Variants in ARHGEF3 observed in about 807,000 individuals in gnomAD.
ARHGEF3 encodes 59.8 kDA protein.
ARHGEF3 carries 28 observed loss-of-function variants against 63.2 expected under a neutral mutation model. The ratio of observed to expected loss-of-function variants is 0.44; its 90% confidence interval spans 0.33 to 0.61. The LOEUF (loss-of-function observed/expected upper bound fraction) is 0.61, where lower values mean the gene tolerates loss of function less well. ARHGEF3 is among the 20% of genes least tolerant of loss of function. ARHGEF3 has a pLI of 0.03. For synonymous variants in ARHGEF3, 266 were observed against 254.2 expected (o/e 1.05, Z -0.44); for missense variants, 533 against 659.3 (o/e 0.81, Z 2.10).
chr3:56,808,632 G>A lies in ARHGEF3; in HGVS notation c.193-34816C>T, dbSNP rs1578570735. ...AAAATAAAAATAAAAAATTAGCTAT[G>A]AAATTAGCAAATTTTTTTGTTTTTT... On this transcript the variant is annotated intron_variant, in intron 4 of 12. Coordinates refer to the ARHGEF3 transcript ENST00000338458. 6.3e-5 allele frequency among the ~76,000 whole-genome samples: 9 copies of A among 143,270 alleles called. No homozygotes were observed. The South Asian group carries it at 1.9e-3, about 30-fold the overall frequency. The allele number at this position is 143,270 out of a possible 152,430, so 94.0% of individuals were successfully genotyped here.
chr3:56,832,641 T>C (rs1238840965), intron 4 of ARHGEF3, among the ~76,000 whole-genome samples: 1 of 152,214 alleles, frequency 6.6e-6, no homozygotes, highest in East Asian at 1.9e-4. Flanking sequence ...AAATTTACCA[T>C]TTTAACTATT....
At chr3:57,002,468 A>ATATATATATGT (rs1366417106) in intron 2 of ARHGEF3, among the ~76,000 whole-genome samples, 1 of 18,680 alleles carries the variant, frequency 5.4e-5, no homozygotes, top group Admixed American at 6.9e-4. Flanking sequence ...AGCACTATAT[A>ATATATATATGT]TATATATATG....
chr3:56,775,119 G>A, intron 1 of ARHGEF3: 1 of 1,549,282 alleles, frequency 6.5e-7, no homozygotes, highest in Non-Finnish European at 8.7e-7. Flanking sequence ...ATCATTTCCA[G>A]AGGGAGCCTC....
chr3:56,926,849 GT>G (rs1578862381), intron 3 of ARHGEF3, among the ~76,000 whole-genome samples: 1 of 147,232 alleles, frequency 6.8e-6, no homozygotes, highest in Admixed American at 6.8e-5. Context: ...AGCCTCCTGG[GT>G]TGGATGAATA....
At chr3:57,041,338 G>T (rs1017007421) in intron 1 of ARHGEF3, among the ~76,000 whole-genome samples, 1 of 152,094 alleles carries the variant, frequency 6.6e-6, no homozygotes, top group Non-Finnish European at 1.5e-5. Context: ...TGAATAGTAG[G>T]AAACTGAGGC....
At chr3:56,917,001 G>C (rs1196030490) in intron 3 of ARHGEF3, among the ~76,000 whole-genome samples, 1 of 152,136 alleles carries the variant, frequency 6.6e-6, no homozygotes, top group African/African-American at 2.4e-5. Context: ...TTTTGTCATG[G>C]ATAACAAGAG....
At chr3:56,773,643 G>T in intron 2 of ARHGEF3, 66 bp downstream of exon 2, 1 of 1,350,116 alleles carries the variant, frequency 7.4e-7, no homozygotes, top group Non-Finnish European at 1.0e-6. Context: ...TTCTAGGTAG[G>T]ATGGGGATGT....
At chr3:56,901,327 GAAGA>G (rs1560034620) in intron 3 of ARHGEF3, among the ~76,000 whole-genome samples, 1 of 151,870 alleles carries the variant, frequency 6.6e-6, no homozygotes, top group Non-Finnish European at 1.5e-5. Flanking sequence ...CAAGAGATTA[GAAGA>G]AAGGGCAAAA....
chr3:56,967,011 G>A (rs1700526749), intron 2 of ARHGEF3, among the ~76,000 whole-genome samples: 1 of 150,306 alleles, frequency 6.7e-6, no homozygotes, highest in African/African-American at 2.4e-5. Context: ...TTACAGGCAT[G>A]CGCCACCATG....
chr3:56,992,024 C>CTCTGTGTGTGTGTG (rs1239113895), intron 2 of ARHGEF3, among the ~76,000 whole-genome samples: 1 of 131,634 alleles, frequency 7.6e-6, no homozygotes, highest in African/African-American at 2.9e-5. Context: ...CCTCCTCTCT[C>CTCTGTGTGTGTGTG]TGTGTGTGTG....
chr3:56,972,834 C>T (rs1357951716), intron 2 of ARHGEF3, among the ~76,000 whole-genome samples: 3 of 152,036 alleles, frequency 2.0e-5, no homozygotes, highest in African/African-American at 7.3e-5. Flanking sequence ...AGAAAACAAA[C>T]CTGACCTAAG....
At chr3:56,985,637 T>C (rs1378990190) in intron 2 of ARHGEF3, among the ~76,000 whole-genome samples, 1 of 152,146 alleles carries the variant, frequency 6.6e-6, no homozygotes, top group Non-Finnish European at 1.5e-5. Flanking sequence ...ATAGGGAAAC[T>C]GAGGTTCTGA....
intron 4 of ARHGEF3, among the ~76,000 whole-genome samples, chr3:56,834,436 A>C (rs2039037948): frequency 6.6e-6 from 1 of 152,192 alleles, no homozygotes; most frequent in African/African-American, 2.4e-5. Context: ...GCTATATCCC[A>C]GTTAAACAAT....
At chr3:57,062,817 T>C (rs1466390374) in intron 1 of ARHGEF3, among the ~76,000 whole-genome samples, 1 of 152,210 alleles carries the variant, frequency 6.6e-6, no homozygotes, top group African/African-American at 2.4e-5. Flanking sequence ...ATCAAATGGC[T>C]TTTAATCTGT....
chr3:56,954,302 C>T (rs77848078), intron 3 of ARHGEF3, among the ~76,000 whole-genome samples: 2,551 of 152,244 alleles, frequency 0.017, 74 homozygotes, highest in African/African-American at 0.058. Context: ...CTTCCTTGAG[C>T]CTCAGTGCCT....
intron 3 of ARHGEF3, among the ~76,000 whole-genome samples, chr3:56,922,101 T>C (rs1244375117): frequency 2.0e-5 from 3 of 151,544 alleles, no homozygotes; most frequent in African/African-American, 4.8e-5. Flanking sequence ...AAAGCTGATG[T>C]ATGCTGTGAA....
At chr3:56,754,873 C>A in intron 3 of ARHGEF3, 108 bp downstream of exon 3, 3 of 1,421,510 alleles carry the variant, frequency 2.1e-6, no homozygotes, top group East Asian at 2.3e-5. Context: ...CTTCTGCAAA[C>A]GCAATGAAGA....
At chr3:56,732,804 A>G (rs1399403463) in intron 8 of ARHGEF3, among the ~76,000 whole-genome samples, 2 of 152,146 alleles carry the variant, frequency 1.3e-5, no homozygotes, top group African/African-American at 4.8e-5. Flanking sequence ...TGATGAAGGG[A>G]AAAAAAAGTT....
chr3:56,756,010 A>G (rs1396349272), intron 2 of ARHGEF3, among the ~76,000 whole-genome samples: 1 of 152,240 alleles, frequency 6.6e-6, no homozygotes, highest in Non-Finnish European at 1.5e-5. Flanking sequence ...GGTTCTGTCA[A>G]CTTGAAAAGT....
Sources: gnomAD v4.1 joint callset for allele counts (sites outside exome capture counted in the v4.1 genomes callset) on GRCh38, gnomAD v4.1.1 for gene constraint, MANE v1.5 for transcripts, NCBI Gene and HGNC (gene_info 2026-07-23, HGNC 2026-07-21) for gene names.